STARD9: variants seen among roughly 807,000 people sequenced by gnomAD.
The protein encoded by STARD9 is stAR-related lipid transfer protein 9.
A neutral mutation model predicts 399.8 loss-of-function variants in STARD9; 346 were observed. The ratio of observed to expected loss-of-function variants is 0.87; its 90% confidence interval spans 0.79 to 0.95. The LOEUF (loss-of-function observed/expected upper bound fraction) is 0.95. Ranked by LOEUF, STARD9 falls within the 40% of genes least tolerant of loss-of-function variation. STARD9 has a pLI of 0.00. For missense variants in STARD9, 5,832 were observed against 5,667.5 expected (o/e 1.03, Z -0.93); for synonymous variants, 2,203 against 2,143.5 (o/e 1.03, Z -0.77).
intron 26 of STARD9, among the ~76,000 whole-genome samples, chr15:42,712,449 C>T (rs1489973836): frequency 6.6e-6 from 1 of 151,938 alleles, no homozygotes; most frequent in Non-Finnish European, 1.5e-5. Flanking sequence ...ATGCTTTTAG[C>T]TTCCACATTG....
In STARD9 at chr15:42,689,256, GC is replaced by G; in HGVS notation, c.7681del (p.Gln2561ArgfsTer22). 1 of 1,537,262 alleles carries G rather than the reference GC, an allele frequency of 6.5e-7. No homozygotes were observed. The highest frequency in any genetic ancestry group is 8.7e-7 in the Non-Finnish European group (1 of 1,146,912). On this transcript the variant is annotated frameshift_variant, in exon 23 of 33. Coordinates refer to ENST00000290607, the MANE Select transcript of STARD9 (RefSeq NM_020759.3). LOFTEE classifies it high-confidence loss of function. ...CTTGGAGGAGATCAGACAGGCAAAG[GC>G]CCAGAGAAAGCAGCTTCATGACTTT... The part of the protein sequence containing the change: ...AILEEIRQAK[A>X]QRKQLHDFVA...
intron 3 of STARD9, among the ~76,000 whole-genome samples, chr15:42,611,100 C>G (rs901269268): frequency 6.6e-6 from 1 of 152,086 alleles, no homozygotes; most frequent in African/African-American, 2.4e-5. Flanking sequence ...GAAGTTGGCT[C>G]TAAAAAGGAC....
intron 3 of STARD9, among the ~76,000 whole-genome samples, chr15:42,590,122 TC>T (rs2058365917): frequency 6.6e-6 from 1 of 151,754 alleles, no homozygotes; most frequent in Non-Finnish European, 1.5e-5. Context: ...GCCACCATGC[TC>T]GGCTAAGTTT....
intron 17 of STARD9, 125 bp downstream of exon 17, chr15:42,674,616 C>T: frequency 8.4e-7 from 1 of 1,193,154 alleles, no homozygotes; most frequent in Non-Finnish European, 1.2e-6. Flanking sequence ...GCCTGCTTCT[C>T]TTTCTGCTGC....
At chr15:42,696,717 G>A (rs1413595000) in intron 26 of STARD9, among the ~76,000 whole-genome samples, 4 of 152,206 alleles carry the variant, frequency 2.6e-5, no homozygotes, top group Non-Finnish European at 4.4e-5. Context: ...AGAGGAGGAT[G>A]TAATGGAGAG....
At chr15:42,718,237 T>C (rs67470909) in intron 30 of STARD9, 58 bp downstream of exon 30, 107,311 of 1,470,918 alleles carry the variant, frequency 0.073, 4,472 homozygotes, top group South Asian at 0.11. Flanking sequence ...CCCAGTGGGG[T>C]CTTGCTGGGG....
intron 7 of STARD9, among the ~76,000 whole-genome samples, chr15:42,650,459 A>C (rs1230581168): frequency 1.3e-5 from 2 of 152,172 alleles, no homozygotes; most frequent in Non-Finnish European, 2.9e-5. Flanking sequence ...TAGTGGCTAA[A>C]TTTAAGTCTC....
chr15:42,648,225 C>T (rs1247605965), intron 7 of STARD9, among the ~76,000 whole-genome samples: 1 of 152,110 alleles, frequency 6.6e-6, no homozygotes, highest in South Asian at 2.1e-4. Context: ...TGCAGTGGCG[C>T]GATCTCGGCT....
At chr15:42,705,628 GA>G (rs2061059835) in intron 26 of STARD9, among the ~76,000 whole-genome samples, 1 of 152,072 alleles carries the variant, frequency 6.6e-6, no homozygotes, top group African/African-American at 2.4e-5. Context: ...TTTTAATAGA[GA>G]TGGGGTTTTC....
chr15:42,717,686 T>C, intron 28 of STARD9, 45 bp from the exon 29 acceptor site: 1 of 1,522,632 alleles, frequency 6.6e-7, no homozygotes, highest in East Asian at 2.4e-5. Context: ...AGGGGCTTAG[T>C]TTTTACTGTG....
chr15:42,710,578 A>G (rs1031208699), intron 26 of STARD9, among the ~76,000 whole-genome samples: 1 of 152,158 alleles, frequency 6.6e-6, no homozygotes, highest in African/African-American at 2.4e-5. Flanking sequence ...GAATTACACA[A>G]TATATGATCC....
intron 9 of STARD9, 110 bp downstream of exon 9, chr15:42,652,702 G>C: frequency 1.0e-6 from 1 of 995,424 alleles, no homozygotes; most frequent in Non-Finnish European, 1.5e-6. Context: ...TTGAGACAGG[G>C]TCTCAGTCTG....
intron 3 of STARD9, among the ~76,000 whole-genome samples, chr15:42,600,674 C>A (rs1186636512): frequency 6.6e-6 from 1 of 151,656 alleles, no homozygotes; most frequent in African/African-American, 2.4e-5. Flanking sequence ...TATAGGCATG[C>A]ACCACCATGC....
chr15:42,628,686 T>G (rs1207553065), intron 3 of STARD9, among the ~76,000 whole-genome samples: 1 of 152,176 alleles, frequency 6.6e-6, no homozygotes, highest in African/African-American at 2.4e-5. Context: ...TTGAAGAGAC[T>G]GTCTTCTCCC....
At position 42,652,585 on chromosome 15, in the gene STARD9, A is replaced by G. The variant is rs1471417709; in HGVS notation, c.695A>G (p.Tyr232Cys). Residue 232 changes from tyrosine to cysteine, a missense_variant, in exon 9 of 33, where the codon TAC becomes TGC. Coordinates refer to ENST00000290607, the MANE Select transcript of STARD9 (RefSeq NM_020759.3). Reference protein sequence around the residue: ...SRSHAIFTIHYTQAILENNLP... With the variant: ...SRSHAIFTIHCTQAILENNLP... ...TCCCACGCCATTTTCACGATCCACT[A>G]CACGCAGGTTGGTAACTCCTTATGT... 6 of 1,537,288 alleles carry G rather than the reference A, an allele frequency of 3.9e-6. No individual in the cohort carries two copies. The Admixed American group carries it at 1.2e-4, about 30-fold the overall frequency.
In STARD9 at chr15:42,684,303, G is replaced by C; in HGVS notation, c.2725G>C (p.Ala909Pro). 2 of 1,536,960 alleles carry C rather than the reference G, an allele frequency of 1.3e-6. No individual in the cohort carries two copies. The highest frequency in any genetic ancestry group is 1.7e-6 in the Non-Finnish European group (2 of 1,146,752). Reference protein sequence around the residue: ...GHGQPCTARAALARKGASAPD... With the variant: ...GHGQPCTARAPLARKGASAPD... ...TGGGCAGCCCTGCACAGCCAGAGCA[G>C]CCTTGGCCAGGAAGGGAGCCTCAGC... The change falls in exon 23 of 33, where the codon GCC becomes CCC. Residue 909 changes from alanine to proline, a missense_variant. Transcript: ENST00000290607.
At position 42,661,184 on chromosome 15, in the gene STARD9, T is replaced by G. The variant is rs61750788; in HGVS notation, c.729T>G (p.Ser243=). The G allele has an allele frequency of 0.023, 35,948 of 1,536,536 alleles. 490 individuals carry two copies. Among genetic ancestry groups the G allele is most frequent in the South Asian group, 0.035 (2,955 of 84,020 alleles). Residue 243 remains serine (S), a synonymous_variant, in exon 10 of 33, where the codon TCT becomes TCG. Coordinates refer to ENST00000290607, the MANE Select transcript of STARD9 (RefSeq NM_020759.3). ...TQAILENNLP[S]EMASKINLVD... ...CAATCCTGGAGAACAACCTCCCTTC[T>G]GAAATGGCTAGCAAGATCAACCTTG...
chr15:42,695,870 C>T lies in STARD9; in HGVS notation c.13274C>T (p.Pro4425Leu). The T allele has an allele frequency of 6.5e-7, 1 of 1,537,090 alleles. No individual in the cohort carries two copies. Among genetic ancestry groups the T allele is most frequent in the Non-Finnish European group, 8.7e-7 (1 of 1,146,808 alleles). The change falls in exon 26 of 33, where the codon CCA becomes CTA. Residue 4425 changes from proline (P) to leucine (L), a missense_variant. Around this residue, in one of 2 missense-constraint regions of STARD9, gnomAD observed 5,828 missense variants for 5,651.1 expected, o/e 1.03. Transcript: ENST00000290607. ...SPALSGQLQF[P>L]ENMGHTNLPD... is the part of the protein sequence containing the mutation. Reference sequence around the variant, plus strand: ...GCCTTGTCAGGCCAGCTCCAGTTCCCAGAGAATATGGTGAGTAGGCAGATG... The same window carrying T: ...GCCTTGTCAGGCCAGCTCCAGTTCCTAGAGAATATGGTGAGTAGGCAGATG...
At position 42,684,858 on chromosome 15, in the gene STARD9, A is replaced by C. The variant is rs566007951; in HGVS notation, c.3280A>C (p.Arg1094=). 14 of 1,537,196 alleles carry C rather than the reference A, an allele frequency of 9.1e-6. 1 individual carries two copies. The East Asian group carries it at 3.4e-4, about 38-fold the overall frequency. The change falls in exon 23 of 33, where the codon AGA becomes CGA. Residue 1094 remains arginine, a synonymous_variant. Coordinates refer to ENST00000290607, the MANE Select transcript of STARD9 (RefSeq NM_020759.3). Reference sequence around the variant, plus strand: ...TTTCAGCCCAGTAATGGATCATTCAAGAGAAAAAGACAATGATTTATCTGA... The same window carrying C: ...TTTCAGCCCAGTAATGGATCATTCACGAGAAAAAGACAATGATTTATCTGA... ...TDFSPVMDHS[R]EKDNDLSDTD... is the part of the protein sequence containing the mutation.
Sources: gnomAD v4.1 joint callset for allele counts (sites outside exome capture counted in the v4.1 genomes callset) on GRCh38, gnomAD v4.1.1 for gene constraint, gnomAD v4.1.1 regional missense constraint, MANE v1.5 for transcripts, NCBI Gene and HGNC (gene_info 2026-07-23, HGNC 2026-07-21) for gene names.